The following MEGF9 variants were observed in gnomAD, a reference collection of about 807,000 sequenced individuals.
MEGF9 encodes the protein multiple EGF like domains 9.
In MEGF9, 6 loss-of-function variants were observed where a neutral mutation model predicts 46.8. The observed-to-expected ratio is 0.13, with a 90% CI of 0.07 to 0.25. The LOEUF is 0.25. Among genes scored for constraint, MEGF9 ranks in the 10% least tolerant of loss-of-function variants. The pLI, the probability that MEGF9 is intolerant of heterozygous loss-of-function variation, is 1.00. For missense variants in MEGF9, 683 were observed against 792.4 expected (o/e 0.86, Z 1.66); for synonymous variants, 302 against 330.7 (o/e 0.91, Z 0.94).
At chr9:120,712,496 A>C (rs781296563) in intron 1 of MEGF9, among the ~76,000 whole-genome samples, 1 of 152,176 alleles carries the variant, frequency 6.6e-6, no homozygotes, top group Non-Finnish European at 1.5e-5. Flanking sequence ...ATCTCTCTAT[A>C]TGAAAGCCAA....
At chr9:120,642,651 T>TA (rs969016012) in intron 2 of MEGF9, among the ~76,000 whole-genome samples, 1 of 152,242 alleles carries the variant, frequency 6.6e-6, no homozygotes, top group African/African-American at 2.4e-5. Context: ...TATTTCTCTG[T>TA]AAAAATGTTT....
At chr9:120,611,867 G>GGGAGGAAGGAAGGAAGGA (rs1333169277) in intron 4 of MEGF9, among the ~76,000 whole-genome samples, 1 of 138,954 alleles carries the variant, frequency 7.2e-6, no homozygotes, top group African/African-American at 3.2e-5. Flanking sequence ...AAGGAAGAAA[G>GGGAGGAAGGAAGGAAGGA]AGAGAGAGAG....
intron 2 of MEGF9, among the ~76,000 whole-genome samples, chr9:120,654,185 TAGA>T (rs1021640384): frequency 6.6e-6 from 1 of 152,116 alleles, no homozygotes; most frequent in Non-Finnish European, 1.5e-5. Context: ...AGATTTCACT[TAGA>T]AGAAGATGAT....
chr9:120,696,920 G>A lies in MEGF9; in HGVS notation c.601+16838C>T, dbSNP rs549464621. 9.3e-4 allele frequency among the ~76,000 whole-genome samples: 142 copies of A among 152,206 alleles called. 1 individual carries two copies. Among genetic ancestry groups the A allele is most frequent in the Admixed American group, 2.9e-3 (44 of 15,284 alleles). ...TGTAATCTAGTTGGAAAACATATTCGAATCTAGTTGGATCTATAGTTGAAT... is the reference window on the plus strand; with the variant it reads ...TGTAATCTAGTTGGAAAACATATTCAAATCTAGTTGGATCTATAGTTGAAT... On this transcript the variant is annotated intron_variant, in intron 1 of 5. Coordinates refer to ENST00000373930, the MANE Select transcript of MEGF9 (RefSeq NM_001080497.3).
At chr9:120,693,270 TTAACCAAAAAAA>T (rs2043858666) in intron 1 of MEGF9, among the ~76,000 whole-genome samples, 1 of 58,984 alleles carries the variant, frequency 1.7e-5, no homozygotes, top group Admixed American at 2.7e-4. Context: ...TTTTGTCTGG[TTAACCAAAAAAA>T]AAAAAAAAAA....
At chr9:120,712,023 G>A (rs544701399) in intron 1 of MEGF9, among the ~76,000 whole-genome samples, 6 of 152,164 alleles carry the variant, frequency 3.9e-5, no homozygotes, top group African/African-American at 9.7e-5. Context: ...TTGGGAGGCC[G>A]AGGCAGGAGG....
Position 120,622,599 on chromosome 9 carries a change from TTAAGG to T in MEGF9, c.943+12_943+16del. On this transcript the variant is annotated intron_variant, in intron 3 of 5. Coordinates refer to ENST00000373930, the MANE Select transcript of MEGF9 (RefSeq NM_001080497.3). ...ACAGTGGAATAATTACATGACAAAG[TTAAGG>T]AAAGTACGTACCTGTGAGGGCATCG... 1.9e-6 allele frequency: 3 copies of T among 1,612,356 alleles called. No individual in the cohort carries two copies. The highest frequency in any genetic ancestry group is 2.5e-6 in the Non-Finnish European group (3 of 1,179,320).
At chr9:120,660,522 T>C (rs2043697315) in intron 1 of MEGF9, among the ~76,000 whole-genome samples, 1 of 152,200 alleles carries the variant, frequency 6.6e-6, no homozygotes, top group Non-Finnish European at 1.5e-5. Flanking sequence ...TATTCATTCT[T>C]TCTATTTTTT....
chr9:120,674,942 G>A (rs529064129), intron 1 of MEGF9, among the ~76,000 whole-genome samples: 6 of 150,640 alleles, frequency 4.0e-5, no homozygotes, highest in Admixed American at 3.3e-4. Context: ...GCAGTGGCGC[G>A]ATCTCGGCTC....
chr9:120,652,771 TCTAG>T (rs1203585734), intron 2 of MEGF9, among the ~76,000 whole-genome samples: 1 of 152,162 alleles, frequency 6.6e-6, no homozygotes, highest in East Asian at 1.9e-4. Flanking sequence ...AATCTACTCT[TCTAG>T]CTTTTTGAAA....
chr9:120,618,507 C>T (rs986985067), intron 3 of MEGF9, among the ~76,000 whole-genome samples: 2 of 151,916 alleles, frequency 1.3e-5, no homozygotes, highest in Non-Finnish European at 2.9e-5. Flanking sequence ...AAATAATATC[C>T]CCCCACTTCC....
In MEGF9 at chr9:120,711,844, T is replaced by TACATACACACACACAC. The variant is rs1483546554; in HGVS notation, c.601+1913_601+1914insGTGTGTGTGTGTATGT. Among the ~76,000 whole-genome samples the TACATACACACACACAC allele has an allele frequency of 4.4e-3, 632 of 143,556 alleles. 2 individuals are homozygous for TACATACACACACACAC. Among genetic ancestry groups the TACATACACACACACAC allele is most frequent in the African/African-American group, 0.015 (599 of 38,886 alleles). The allele number at this position is 143,556 out of a possible 152,430, so 94.2% of individuals were successfully genotyped here. A position where few individuals can be genotyped will look rare whatever the true frequency, so the allele number is the denominator to read the frequency against. ...CAAATGCTTTCTATACATACATACATACACACACACACACACACACACACA... is the reference window on the plus strand; with the variant it reads ...CAAATGCTTTCTATACATACATACATACATACACACACACACACACACACACACACACACACACACA... On this transcript the variant is annotated intron_variant, in intron 1 of 5. Coordinates refer to ENST00000373930, the MANE Select transcript of MEGF9 (RefSeq NM_001080497.3).
chr9:120,663,148 A>T (rs1424330311), intron 1 of MEGF9, among the ~76,000 whole-genome samples: 2 of 152,216 alleles, frequency 1.3e-5, no homozygotes, highest in Non-Finnish European at 2.9e-5. Context: ...AGGCACTATC[A>T]TGTTAATACT....
intron 2 of MEGF9, among the ~76,000 whole-genome samples, chr9:120,649,968 T>C (rs1437787164): frequency 6.6e-6 from 1 of 152,114 alleles, no homozygotes. Flanking sequence ...GTGAATACAT[T>C]AAAAAGTCTC....
chr9:120,630,211 A>T (rs1331953278), intron 2 of MEGF9, among the ~76,000 whole-genome samples: 1 of 152,036 alleles, frequency 6.6e-6, no homozygotes, highest in African/African-American at 2.4e-5. Context: ...TTTAATAACC[A>T]CTATTCTACT....
intron 2 of MEGF9, among the ~76,000 whole-genome samples, chr9:120,656,407 C>T (rs1157216659): frequency 1.3e-5 from 2 of 151,920 alleles, no homozygotes; most frequent in African/African-American, 4.8e-5. Flanking sequence ...ATTAGCCAGG[C>T]GTGGTGGCGG....
chr9:120,651,845 G>T (rs895170199), intron 2 of MEGF9, among the ~76,000 whole-genome samples: 1 of 151,306 alleles, frequency 6.6e-6, no homozygotes, highest in African/African-American at 2.4e-5. Flanking sequence ...TAGAGATGGG[G>T]TTTCACCATG....
chr9:120,639,857 A>G (rs183205340), intron 2 of MEGF9, among the ~76,000 whole-genome samples: 2 of 152,192 alleles, frequency 1.3e-5, no homozygotes, highest in African/African-American at 4.8e-5. Flanking sequence ...TTTGCATAAC[A>G]TATAAGTGAA....
chr9:120,709,553 C>T (rs2043943470), intron 1 of MEGF9, among the ~76,000 whole-genome samples: 1 of 152,140 alleles, frequency 6.6e-6, no homozygotes, highest in South Asian at 2.1e-4. Context: ...GATCCCTGTC[C>T]CCTAACCTGT....
Sources: gnomAD v4.1 joint callset for allele counts (sites outside exome capture counted in the v4.1 genomes callset) on GRCh38, gnomAD v4.1.1 for gene constraint, MANE v1.5 for transcripts, NCBI Gene and HGNC (gene_info 2026-07-23, HGNC 2026-07-21) for gene names.